Variants in FAM81A observed in about 807,000 individuals in gnomAD.
FAM81A encodes protein FAM81A.
FAM81A carries 19 observed loss-of-function variants against 46.7 expected under a neutral mutation model. The observed-to-expected ratio is 0.41, with a 90% confidence interval of 0.28 to 0.60. The LOEUF is 0.60. Ranked by LOEUF, FAM81A falls within the 20% of genes least tolerant of loss-of-function variation. The pLI is 0.34. For synonymous variants in FAM81A, 183 were observed against 152.9 expected (o/e 1.20, Z -1.45); for missense variants, 377 against 453.5 (o/e 0.83, Z 1.53).
chr15:59,514,654 T>C (rs984326015), intron 7 of FAM81A, among the ~76,000 whole-genome samples: 2 of 152,238 alleles, frequency 1.3e-5, no homozygotes, highest in Non-Finnish European at 2.9e-5. Context: ...GTACTTTCAG[T>C]TAAGATGAAG....
chr15:59,499,965 G>A (rs535492278), intron 4 of FAM81A, among the ~76,000 whole-genome samples: 1 of 151,582 alleles, frequency 6.6e-6, no homozygotes, highest in African/African-American at 2.4e-5. Flanking sequence ...CGAGTCTCAT[G>A]CCTCAGCCCC....
chr15:59,423,553 C>T (rs1035245552), intron 2 of FAM81A, among the ~76,000 whole-genome samples: 1 of 152,062 alleles, frequency 6.6e-6, no homozygotes, highest in African/African-American at 2.4e-5. Flanking sequence ...AATCACAGCA[C>T]AATAACGTTT....
chr15:59,464,184 A>G (rs1039217720), intron 3 of FAM81A, among the ~76,000 whole-genome samples: 2 of 152,156 alleles, frequency 1.3e-5, no homozygotes, highest in Admixed American at 6.5e-5. Flanking sequence ...TCCATTGTGT[A>G]TATACACCAC....
At chr15:59,448,964 G>T (rs1354846666) in intron 1 of FAM81A, among the ~76,000 whole-genome samples, 1 of 152,156 alleles carries the variant, frequency 6.6e-6, no homozygotes, top group Non-Finnish European at 1.5e-5. Context: ...ATCATGCCTG[G>T]CCAGCTATTG....
intron 3 of FAM81A, among the ~76,000 whole-genome samples, chr15:59,485,229 C>T (rs1284584809): frequency 6.6e-6 from 1 of 152,202 alleles, no homozygotes; most frequent in Non-Finnish European, 1.5e-5. Flanking sequence ...GCTGGCTTCA[C>T]CACTTGCTGA....
intron 3 of FAM81A, among the ~76,000 whole-genome samples, chr15:59,488,192 C>G (rs768169160): frequency 2.0e-5 from 3 of 152,108 alleles, no homozygotes; most frequent in Non-Finnish European, 4.4e-5. Context: ...TCAACCGATG[C>G]TGAAAAAGCA....
At chr15:59,473,070 A>G (rs1277933436) in intron 3 of FAM81A, among the ~76,000 whole-genome samples, 2 of 152,174 alleles carry the variant, frequency 1.3e-5, no homozygotes, top group Non-Finnish European at 2.9e-5. Flanking sequence ...GCTCTGCTGC[A>G]CCTAAATCTA....
intron 1 of FAM81A, among the ~76,000 whole-genome samples, chr15:59,447,098 A>T (rs2081361357): frequency 6.6e-6 from 1 of 152,198 alleles, no homozygotes; most frequent in Non-Finnish European, 1.5e-5. Flanking sequence ...ACCCAGTGCC[A>T]CTATTTACAT....
intron 3 of FAM81A, among the ~76,000 whole-genome samples, chr15:59,466,724 G>A (rs547077290): frequency 6.6e-6 from 1 of 152,260 alleles, no homozygotes; most frequent in Non-Finnish European, 1.5e-5. Flanking sequence ...GATCCCATTT[G>A]TCTATTTTGG....
chr15:59,438,008 G>T (rs1257117784), upstream of FAM81A, among the ~76,000 whole-genome samples: 1 of 151,206 alleles, frequency 6.6e-6, no homozygotes, highest in South Asian at 2.1e-4. Flanking sequence ...GCGGGTGCGC[G>T]GGGAAAGCCT....
chr15:59,438,188 A>C lies in FAM81A; in HGVS notation c.-172A>C, dbSNP rs1356929406. ...GGCGCTCCCCGCGGCGCGGGCCCGC[A>C]GCCGGGCGCCCTGCTCAGCCAGCGC... is the stretch of plus-strand genomic sequence containing the variant. On this transcript the variant is annotated 5_prime_UTR_variant, in exon 1 of 9. Coordinates refer to ENST00000288228, the MANE Select transcript of FAM81A (RefSeq NM_152450.3). 1 of 146,220 alleles carries C rather than the reference A, an allele frequency of 6.8e-6. No homozygotes were observed. The highest frequency in any genetic ancestry group is 1.5e-5 in the Non-Finnish European group (1 of 65,812). 9.1% of individuals were successfully genotyped at this position (146,220 alleles called of 1,614,324 possible). A position where few individuals can be genotyped will look rare whatever the true frequency, so the allele number is the denominator to read the frequency against.
chr15:59,408,466 G>A (rs2414627), intron 2 of FAM81A, among the ~76,000 whole-genome samples: 61,855 of 151,928 alleles, frequency 0.41, 14,254 homozygotes, highest in Admixed American at 0.51. Flanking sequence ...AGGCTGAGGC[G>A]GGTGGATCAC....
intron 7 of FAM81A, among the ~76,000 whole-genome samples, chr15:59,515,374 G>A (rs73417102): frequency 0.024 from 3,724 of 152,170 alleles, 152 homozygotes; most frequent in African/African-American, 0.086. Flanking sequence ...CCCTTTTCTT[G>A]TACTGTTTCC....
Position 59,508,973 on chromosome 15 carries a change from A to C in FAM81A, c.650+4A>C. 1 of 1,600,572 alleles carries C rather than the reference A, an allele frequency of 6.2e-7. No individual in the cohort carries two copies. Among genetic ancestry groups the C allele is most frequent in the African/African-American group, 1.3e-5 (1 of 74,350 alleles). On this transcript the variant is annotated splice_donor_region_variant and intron_variant, in intron 6 of 8. Transcript: ENST00000288228. ...AGCTTCAGCTTTTGGACACTAAGTA[A>C]GCAATCAATTTATTAAAAAAATAAA...
intron 1 of FAM81A, among the ~76,000 whole-genome samples, chr15:59,456,819 G>T (rs2081490841): frequency 6.6e-6 from 1 of 152,040 alleles, no homozygotes; most frequent in African/African-American, 2.4e-5. Flanking sequence ...GAACTCCTGG[G>T]CTCAAGCAAT....
intron 3 of FAM81A, among the ~76,000 whole-genome samples, chr15:59,470,244 A>G (rs2141675312): frequency 6.6e-6 from 1 of 152,182 alleles, no homozygotes; most frequent in African/African-American, 2.4e-5. Flanking sequence ...CTGAATTTGA[A>G]TGTTGGCCTG....
chr15:59,462,491 A>G (rs1292143773), intron 3 of FAM81A, among the ~76,000 whole-genome samples: 2 of 152,156 alleles, frequency 1.3e-5, no homozygotes, highest in African/African-American at 2.4e-5. Context: ...CCATTTTATT[A>G]AAGTTAGATT....
At chr15:59,479,226 T>C (rs74646823) in intron 3 of FAM81A, among the ~76,000 whole-genome samples, 5 of 151,954 alleles carry the variant, frequency 3.3e-5, no homozygotes, top group African/African-American at 7.3e-5. Flanking sequence ...TTAGAAAGGA[T>C]GGTGGCCGGG....
intron 4 of FAM81A, among the ~76,000 whole-genome samples, chr15:59,502,638 C>T (rs569919370): frequency 8.1e-4 from 123 of 151,844 alleles, no homozygotes; most frequent in African/African-American, 3.0e-3. Flanking sequence ...TTCAGCCTCC[C>T]GAGTAGCTGG....
Sources: gnomAD v4.1 joint callset for allele counts (sites outside exome capture counted in the v4.1 genomes callset) on GRCh38, gnomAD v4.1.1 for gene constraint, MANE v1.5 for transcripts, NCBI Gene and HGNC (gene_info 2026-07-23, HGNC 2026-07-21) for gene names.